C8orf89: variants seen among roughly 807,000 people sequenced by gnomAD.
C8orf89 encodes putative uncharacterized protein C8orf89.
In C8orf89, 14 loss-of-function variants were observed where a neutral mutation model predicts 15.8. The observed-to-expected ratio is 0.89, with a 90% CI of 0.59 to 1.39. C8orf89 has a LOEUF of 1.39. Among genes scored for constraint, C8orf89 ranks in the 40% most tolerant of loss-of-function variants. The probability of loss-of-function intolerance (pLI) is 0.00; values close to 1 mark genes in which losing one functional copy is unlikely to be tolerated. For missense variants in C8orf89, 181 were observed against 184.5 expected (o/e 0.98, Z 0.11); for synonymous variants, 55 against 62.2 (o/e 0.88, Z 0.54).
intron 2 of C8orf89, among the ~76,000 whole-genome samples, chr8:73,256,641 T>A (rs1563532839): frequency 6.9e-6 from 1 of 144,322 alleles, no homozygotes; most frequent in Non-Finnish European, 1.5e-5. Context: ...GGCAGGAGAA[T>A]CGCTGGAATC....
At chr8:73,270,679 G>A in the C8orf89 span, among the ~76,000 whole-genome samples, 42 of 152,308 alleles carry the variant, frequency 2.8e-4, no homozygotes, top group African/African-American at 1.0e-3. Context: ...GCCAGGGCAG[G>A]TGGATCACTT....
the C8orf89 span, among the ~76,000 whole-genome samples, chr8:73,270,731 C>T: frequency 6.6e-6 from 1 of 152,032 alleles, no homozygotes; most frequent in Non-Finnish European, 1.5e-5. Context: ...CACAGGGAGA[C>T]CTGGTCTCTA....
the C8orf89 span, among the ~76,000 whole-genome samples, chr8:73,271,887 C>A: frequency 1.3e-5 from 2 of 152,194 alleles, no homozygotes; most frequent in Non-Finnish European, 2.9e-5. Flanking sequence ...GAGAACAATT[C>A]AAGATGAGAT....
chr8:73,255,625 C>T (rs1441149078), intron 2 of C8orf89, among the ~76,000 whole-genome samples: 1 of 149,082 alleles, frequency 6.7e-6, no homozygotes, highest in Non-Finnish European at 1.5e-5. Context: ...ACCCAAAGGA[C>T]TATAAATCAT....
intron 1 of C8orf89, among the ~76,000 whole-genome samples, chr8:73,257,471 C>G (rs1183608625): frequency 6.6e-6 from 1 of 152,166 alleles, no homozygotes; most frequent in African/African-American, 2.4e-5. Context: ...TTTCAAGAGT[C>G]TGATATTATC....
chr8:73,273,972 T>G, the C8orf89 span, among the ~76,000 whole-genome samples: 4 of 152,180 alleles, frequency 2.6e-5, no homozygotes, highest in African/African-American at 9.7e-5. Context: ...TGTTATATTT[T>G]GTAATGATAT....
At chr8:73,252,807 A>G (rs1328349252) in intron 2 of C8orf89, among the ~76,000 whole-genome samples, 1 of 152,224 alleles carries the variant, frequency 6.6e-6, no homozygotes, top group Admixed American at 6.5e-5. Flanking sequence ...TCAGAATGCT[A>G]TAAGTGCTTC....
intron 3 of C8orf89, among the ~76,000 whole-genome samples, chr8:73,245,504 A>G (rs1244662841): frequency 6.6e-6 from 1 of 152,142 alleles, no homozygotes; most frequent in African/African-American, 2.4e-5. Flanking sequence ...AAAAGATAAT[A>G]TAGGAAAGGG....
upstream of C8orf89, among the ~76,000 whole-genome samples, chr8:73,260,491 A>T (rs1016142254): frequency 3.9e-5 from 6 of 152,208 alleles, no homozygotes; most frequent in African/African-American, 7.2e-5. Context: ...CATATGTAAC[A>T]AACCTGCACG....
intron 2 of C8orf89, among the ~76,000 whole-genome samples, chr8:73,255,200 A>C (rs1401934264): frequency 6.6e-6 from 1 of 152,136 alleles, no homozygotes; most frequent in Non-Finnish European, 1.5e-5. Context: ...AATGGGAGAA[A>C]ATTTTTGCAA....
intron 3 of C8orf89, among the ~76,000 whole-genome samples, chr8:73,244,846 A>G (rs1271388220): frequency 6.6e-6 from 1 of 152,218 alleles, no homozygotes; most frequent in Non-Finnish European, 1.5e-5. Context: ...ACACAAATGC[A>G]ATTAAGTTGG....
At chr8:73,260,561 T>C (rs1233642005), upstream of C8orf89, among the ~76,000 whole-genome samples, 1 of 151,994 alleles carries the variant, frequency 6.6e-6, no homozygotes, top group Non-Finnish European at 1.5e-5. Context: ...AGAAAACGGA[T>C]AATACAGTTT....
the C8orf89 span, among the ~76,000 whole-genome samples, chr8:73,282,374 G>T: frequency 2.0e-5 from 3 of 152,162 alleles, no homozygotes; most frequent in Non-Finnish European, 2.9e-5. Context: ...TTTCGGGGGA[G>T]ATTCAAAAAA....
upstream of C8orf89, among the ~76,000 whole-genome samples, chr8:73,263,742 GCAGT>G (rs1813570471): frequency 6.6e-6 from 1 of 152,106 alleles, no homozygotes; most frequent in African/African-American, 2.4e-5. Context: ...CTTAATTGGG[GCAGT>G]CAGACAATAG....
chr8:73,283,180 G>A, the C8orf89 span, among the ~76,000 whole-genome samples: 5 of 152,314 alleles, frequency 3.3e-5, no homozygotes, highest in Middle Eastern at 3.4e-3. Flanking sequence ...GGCAGAGAAG[G>A]AATGGAGAGG....
At chr8:73,285,287 T>G in the C8orf89 span, among the ~76,000 whole-genome samples, 1 of 152,200 alleles carries the variant, frequency 6.6e-6, no homozygotes, top group Non-Finnish European at 1.5e-5. Flanking sequence ...AGTACTTACT[T>G]ACCAGAAGTA....
the C8orf89 span, among the ~76,000 whole-genome samples, chr8:73,275,807 A>T: frequency 6.6e-6 from 1 of 152,100 alleles, no homozygotes; most frequent in African/African-American, 2.4e-5. Context: ...CTTTTAGTTT[A>T]TCAGAAACTT....
chr8:73,256,884 G>T, intron 2 of C8orf89, 89 bp downstream of exon 2: 9 of 761,890 alleles, frequency 1.2e-5, no homozygotes, highest in South Asian at 4.3e-5. Flanking sequence ...AAAAATGAAT[G>T]CAATTCACTG....
intron 3 of C8orf89, among the ~76,000 whole-genome samples, chr8:73,248,134 G>T (rs779880397): frequency 9.9e-5 from 15 of 152,010 alleles, no homozygotes; most frequent in Non-Finnish European, 1.5e-5. Flanking sequence ...TAAGAAAGGG[G>T]TCCAGTTTTA....
Sources: gnomAD v4.1 joint callset for allele counts (sites outside exome capture counted in the v4.1 genomes callset) on GRCh38, gnomAD v4.1.1 for gene constraint, MANE v1.5 for transcripts, NCBI Gene and HGNC (gene_info 2026-07-23, HGNC 2026-07-21) for gene names.